The following MAP3K2 variants were observed in gnomAD, a reference collection of about 807,000 sequenced individuals.
The protein encoded by MAP3K2 is MAP/ERK kinase kinase 2.
Under a neutral mutation model 80.3 loss-of-function variants are expected in MAP3K2, and 24 were observed. The observed-to-expected ratio is 0.30, with a 90% CI of 0.22 to 0.42. MAP3K2 has a LOEUF of 0.42. Among genes scored for constraint, MAP3K2 ranks in the 10% least tolerant of loss-of-function variants. The probability of loss-of-function intolerance (pLI) is 1.00; values close to 1 mark genes in which losing one functional copy is unlikely to be tolerated. For missense variants in MAP3K2, 608 were observed against 750.1 expected, an observed-to-expected ratio of 0.81 and a Z score of 2.21; for synonymous variants, 244 against 253.7, an observed-to-expected ratio of 0.96 and a Z score of 0.36.
intron 1 of MAP3K2, among the ~76,000 whole-genome samples, chr2:127,383,635 G>C (rs145045911): frequency 1.3e-5 from 2 of 152,242 alleles, no homozygotes; most frequent in East Asian, 3.9e-4. Flanking sequence ...AGGGTATTTT[G>C]ACTTTTCCAA....
chr2:127,344,984 A>C (rs914719967), intron 1 of MAP3K2, among the ~76,000 whole-genome samples: 4 of 152,056 alleles, frequency 2.6e-5, no homozygotes, highest in African/African-American at 9.6e-5. Flanking sequence ...CCACCTCAGC[A>C]CCCCCGAGTA....
In MAP3K2 at chr2:127,364,737, CTCA is replaced by C. The variant is rs1184336550; in HGVS notation, c.-65-21546_-65-21544del. Among the ~76,000 whole-genome samples, 1 of 152,182 alleles carries C rather than the reference CTCA, an allele frequency of 6.6e-6. No homozygotes were observed. The highest frequency in any genetic ancestry group is 1.5e-5 in the Non-Finnish European group (1 of 68,028). On this transcript the variant is annotated intron_variant, in intron 1 of 16. Transcript: ENST00000682094. This position sits in a 1 kb window ranked among gnomAD's most constrained non-coding sequence, Gnocchi z 4.1. ...ACTATGTCTTCTACTTTATTCTGCACTCATCTTCTTTTCCCTCCACCTTTCCCC... is the reference window on the plus strand; with the variant it reads ...ACTATGTCTTCTACTTTATTCTGCACTCTTCTTTTCCCTCCACCTTTCCCC...
rs1686532633 is a variant in MAP3K2, at chr2:127,343,188, T to C, written c.-59A>G. 3 of 1,390,468 alleles carry C rather than the reference T, an allele frequency of 2.2e-6. No individual in the cohort carries two copies. The highest frequency in any genetic ancestry group is 3.0e-6 in the Non-Finnish European group (3 of 1,002,328). The allele number at this position is 1,390,468 out of a possible 1,614,324, so 86.1% of individuals were successfully genotyped here. A position where few individuals can be genotyped will look rare whatever the true frequency, so the allele number is the denominator to read the frequency against. On this transcript the variant is annotated 5_prime_UTR_variant, in exon 2 of 17. Coordinates refer to ENST00000682094, the MANE Select transcript of MAP3K2 (RefSeq NM_001371910.2). ...AAAATGGTTCTCCCATCAGCATTCT[T>C]TATGGCCTGAGAAGATAAAACAGAT...
At chr2:127,352,241 C>G (rs1442911399) in intron 1 of MAP3K2, among the ~76,000 whole-genome samples, 1 of 152,114 alleles carries the variant, frequency 6.6e-6, no homozygotes, top group Non-Finnish European at 1.5e-5. Context: ...ACTGCTACTT[C>G]CGCCAAGACT....
In MAP3K2 at chr2:127,387,500, C is replaced by T; in HGVS notation, c.-114G>A. 3.0e-6 allele frequency: 3 copies of T among 985,000 alleles called. No individual in the cohort carries two copies. Among genetic ancestry groups the T allele is most frequent in the Non-Finnish European group, 2.4e-6 (2 of 829,790 alleles). The allele number at this position is 985,000 out of a possible 1,614,324, so 61.0% of individuals were successfully genotyped here. On this transcript the variant is annotated 5_prime_UTR_variant, in exon 1 of 17. Transcript: ENST00000682094. ...GAGCCGCAGGCCCAAGGAGGGGCCG[C>T]CCCCGCCGAGCCCGCCCCTCCGCCC...
intron 1 of MAP3K2, among the ~76,000 whole-genome samples, chr2:127,351,873 T>C (rs1222710067): frequency 6.6e-6 from 1 of 151,932 alleles, no homozygotes. Context: ...TCTTGTTTTT[T>C]TGTGTTTTTT....
chr2:127,381,495 G>A (rs1687245670), intron 1 of MAP3K2, among the ~76,000 whole-genome samples: 4 of 152,122 alleles, frequency 2.6e-5, no homozygotes, highest in Admixed American at 2.6e-4. Flanking sequence ...TAACCTAGCT[G>A]GATATTTTTT....
intron 1 of MAP3K2, among the ~76,000 whole-genome samples, chr2:127,361,804 T>C (rs931978514): frequency 2.0e-5 from 3 of 152,248 alleles, no homozygotes; most frequent in African/African-American, 4.8e-5. Flanking sequence ...TAGAGTCACA[T>C]AGGGACCTGG....
chr2:127,328,824 T>A (rs1686195366), intron 7 of MAP3K2, among the ~76,000 whole-genome samples: 1 of 152,256 alleles, frequency 6.6e-6, no homozygotes, highest in South Asian at 2.1e-4. Context: ...AATCCTCTTC[T>A]GTTACCAATC....
intron 7 of MAP3K2, among the ~76,000 whole-genome samples, chr2:127,327,184 G>C (rs1454661283): frequency 6.6e-6 from 1 of 152,156 alleles, no homozygotes; most frequent in African/African-American, 2.4e-5. Flanking sequence ...CTGTGGAAAT[G>C]ATGCTATATT....
chr2:127,372,722 T>C lies in MAP3K2; in HGVS notation c.-66+14730A>G, dbSNP rs867040052. Among the ~76,000 whole-genome samples the C allele has an allele frequency of 5.9e-5, 9 of 152,268 alleles. No homozygotes were observed. In the East Asian group the frequency reaches 1.2e-3, roughly 20 times the overall value. On this transcript the variant is annotated intron_variant, in intron 1 of 16. Transcript: ENST00000682094. ...AGTTATTCCTCCCCTACCCTTGACATTGCTCTCTCAAAATCCTATTTGGGT... is the reference window on the plus strand; with the variant it reads ...AGTTATTCCTCCCCTACCCTTGACACTGCTCTCTCAAAATCCTATTTGGGT...
intron 1 of MAP3K2, among the ~76,000 whole-genome samples, chr2:127,358,391 C>T (rs1686829757): frequency 2.0e-5 from 3 of 152,278 alleles, no homozygotes; most frequent in Middle Eastern, 3.4e-3. Context: ...CAAAACTAAA[C>T]ATACTCCCAT....
upstream of MAP3K2, chr2:127,388,035 C>G (rs1167139532): frequency 8.1e-6 from 8 of 983,146 alleles, no homozygotes; most frequent in Non-Finnish European, 9.6e-6. Context: ...CCCCTCCGCC[C>G]GGCGGTAGCG....
intron 1 of MAP3K2, among the ~76,000 whole-genome samples, chr2:127,352,801 T>A (rs1289714419): frequency 6.6e-6 from 1 of 150,978 alleles, no homozygotes; most frequent in Non-Finnish European, 1.5e-5. Context: ...CCTCCCTGCC[T>A]GATTCTCCTG....
intron 1 of MAP3K2, among the ~76,000 whole-genome samples, chr2:127,370,903 T>TAAC (rs1222215250): frequency 6.6e-6 from 1 of 152,190 alleles, no homozygotes; most frequent in Non-Finnish European, 1.5e-5. Flanking sequence ...ACGGAGGTTT[T>TAAC]GCCTGAGCCC....
At chr2:127,347,433 T>C (rs1272926014) in intron 1 of MAP3K2, among the ~76,000 whole-genome samples, 1 of 152,076 alleles carries the variant, frequency 6.6e-6, no homozygotes, top group Non-Finnish European at 1.5e-5. Flanking sequence ...TATATTTCTA[T>C]ACATTAGCAA....
rs1163026645 is a variant in MAP3K2 at position 127,387,920 on chromosome 2, C to G, written c.-534G>C. On this transcript the variant is annotated 5_prime_UTR_variant, in exon 1 of 17. Coordinates refer to ENST00000682094, the MANE Select transcript of MAP3K2 (RefSeq NM_001371910.2). The stretch of plus-strand genomic sequence containing the variant: ...CGCCCAGCGGCCGCGGCACCCTCGT[C>G]AGGCGCCGCCGCTGAGGGCAGGCAG... 1.0e-6 allele frequency: 1 copy of G among 982,164 alleles called. No homozygotes were observed. The highest frequency in any genetic ancestry group is 1.2e-6 in the Non-Finnish European group (1 of 827,334). The allele number at this position is 982,164 out of a possible 1,614,324, so 60.8% of individuals were successfully genotyped here.
chr2:127,356,647 T>C (rs1384093611), intron 1 of MAP3K2, among the ~76,000 whole-genome samples: 1 of 152,174 alleles, frequency 6.6e-6, no homozygotes, highest in East Asian at 1.9e-4. Flanking sequence ...AATTTTTCAA[T>C]TATGGTGCTG....
At chr2:127,344,347 A>C (rs1686556263) in intron 1 of MAP3K2, among the ~76,000 whole-genome samples, 1 of 152,120 alleles carries the variant, frequency 6.6e-6, no homozygotes, top group African/African-American at 2.4e-5. Context: ...TTTCAGACAC[A>C]AAATTATTTT....
Sources: allele counts gnomAD v4.1 joint callset (sites outside exome capture counted in the v4.1 genomes callset), GRCh38; gene constraint gnomAD v4.1.1; non-coding constraint Gnocchi (gnomAD v3.1); transcripts MANE v1.5; gene names NCBI Gene and HGNC (gene_info 2026-07-23, HGNC 2026-07-21).